The following DOCK1 variants were observed in gnomAD, a reference collection of about 807,000 sequenced individuals.
DOCK1 encodes the protein dedicator of cytokinesis 1, also known as dedicator of cytokinesis protein 1.
Under a neutral mutation model 262.7 loss-of-function variants are expected in DOCK1, and 138 were observed. The observed-to-expected ratio is 0.53, with a 90% CI of 0.46 to 0.61. The LOEUF is 0.61. Among genes scored for constraint, DOCK1 ranks in the 20% least tolerant of loss-of-function variants. The probability of loss-of-function intolerance (pLI) is 0.00; values close to 1 mark genes in which losing one functional copy is unlikely to be tolerated. For missense variants in DOCK1, 1,908 were observed against 2,370.7 expected, an observed-to-expected ratio of 0.80 and a Z score of 4.05; for synonymous variants, 866 against 867.4, an observed-to-expected ratio of 1.00 and a Z score of 0.03.
chr10:127,307,580 C>T (rs2061921417), intron 29 of DOCK1, among the ~76,000 whole-genome samples: 2 of 152,188 alleles, frequency 1.3e-5, no homozygotes, highest in African/African-American at 4.8e-5. Flanking sequence ...CCGGGCCTGG[C>T]CTGGGGCAGA....
intron 12 of DOCK1, among the ~76,000 whole-genome samples, chr10:127,017,988 C>A (rs1262755977): frequency 6.6e-6 from 1 of 152,226 alleles, no homozygotes; most frequent in African/African-American, 2.4e-5. Context: ...CGCACACACG[C>A]CCTTACACAT....
At chr10:127,433,568 C>G in intron 48 of DOCK1, 140 bp downstream of exon 48, 1 of 1,206,440 alleles carries the variant, frequency 8.3e-7, no homozygotes. Flanking sequence ...CTGAGACCCT[C>G]CGAGACTTTC....
At chr10:126,949,075 A>G (rs1304158611) in intron 1 of DOCK1, among the ~76,000 whole-genome samples, 1 of 151,916 alleles carries the variant, frequency 6.6e-6, no homozygotes, top group Non-Finnish European at 1.5e-5. Context: ...CCTTTCTGGG[A>G]GTGGTGCACG....
At chr10:127,075,652 G>A (rs1328075726) in intron 23 of DOCK1, among the ~76,000 whole-genome samples, 4 of 152,098 alleles carry the variant, frequency 2.6e-5, no homozygotes, top group Admixed American at 6.6e-5. Context: ...TTCACATGGC[G>A]GCAGGAGAGA....
At chr10:126,955,785 CA>C (rs1213073018) in intron 1 of DOCK1, among the ~76,000 whole-genome samples, 3 of 152,088 alleles carry the variant, frequency 2.0e-5, no homozygotes, top group Non-Finnish European at 2.9e-5. Flanking sequence ...TTCAGTGGCT[CA>C]CTCTGTGAAG....
At chr10:127,226,348 G>C (rs2058639162) in intron 27 of DOCK1, among the ~76,000 whole-genome samples, 1 of 152,104 alleles carries the variant, frequency 6.6e-6, no homozygotes, top group Admixed American at 6.5e-5. Context: ...AACAGGGTTG[G>C]GTAATGCTGT....
At chr10:127,416,278 G>C (rs1007108754) in intron 44 of DOCK1, among the ~76,000 whole-genome samples, 2 of 152,250 alleles carry the variant, frequency 1.3e-5, no homozygotes, top group Admixed American at 1.3e-4. Context: ...ATAGAAGGCT[G>C]TGGGAGTTAT....
At chr10:127,351,658 G>A (rs1590635107) in intron 31 of DOCK1, among the ~76,000 whole-genome samples, 1 of 152,090 alleles carries the variant, frequency 6.6e-6, no homozygotes, top group African/African-American at 2.4e-5. Flanking sequence ...CCACCAGCCC[G>A]GGGTTCTGCT....
At chr10:127,013,522 A>T (rs1344048646) in intron 12 of DOCK1, 1 of 152,130 alleles carries the variant, frequency 6.6e-6, no homozygotes, top group East Asian at 1.9e-4. Flanking sequence ...AACTTTTATT[A>T]GAGTCATTCA....
chr10:127,148,294 G>A (rs558223358), intron 27 of DOCK1, among the ~76,000 whole-genome samples: 20 of 152,296 alleles, frequency 1.3e-4, no homozygotes, highest in African/African-American at 3.6e-4. Context: ...CAGACACAGC[G>A]TGCTCCGGGA....
At chr10:127,234,336 A>G (rs992448249) in intron 27 of DOCK1, among the ~76,000 whole-genome samples, 4 of 152,188 alleles carry the variant, frequency 2.6e-5, no homozygotes, top group Non-Finnish European at 4.4e-5. Context: ...TGTAGGTTCA[A>G]TTGCAAAATG....
chr10:127,271,843 C>T (rs768255810), intron 29 of DOCK1, among the ~76,000 whole-genome samples: 4 of 152,238 alleles, frequency 2.6e-5, no homozygotes, highest in Non-Finnish European at 5.9e-5. Flanking sequence ...GGCAGTTACT[C>T]TTTTTATATT....
intron 22 of DOCK1, among the ~76,000 whole-genome samples, chr10:127,059,861 A>C (rs2135807207): frequency 6.6e-6 from 1 of 152,270 alleles, no homozygotes; most frequent in African/African-American, 2.4e-5. Flanking sequence ...TTTTGTTTGA[A>C]GTCAAGACTG....
chr10:126,922,696 T>G (rs1438692399), intron 1 of DOCK1, among the ~76,000 whole-genome samples: 4 of 152,304 alleles, frequency 2.6e-5, no homozygotes, highest in Non-Finnish European at 4.4e-5. Flanking sequence ...ATGAAAATAC[T>G]TAAGAACTAG....
intron 22 of DOCK1, among the ~76,000 whole-genome samples, chr10:127,053,876 C>G (rs527633681): frequency 1.3e-5 from 2 of 152,222 alleles, no homozygotes; most frequent in African/African-American, 4.8e-5. Context: ...ACTCCCTCTG[C>G]TTGTTTTTTT....
At chr10:126,992,760 A>ACACACG (rs1479341776) in intron 6 of DOCK1, among the ~76,000 whole-genome samples, 2,931 of 146,110 alleles carry the variant, frequency 0.02, 69 homozygotes, top group African/African-American at 0.043. Context: ...ACACACACAC[A>ACACACG]CACAGACAGA....
chr10:127,315,586 C>G (rs55972510), intron 29 of DOCK1, among the ~76,000 whole-genome samples: 3,985 of 152,270 alleles, frequency 0.026, 164 homozygotes, highest in African/African-American at 0.091. Context: ...GTTTAAGCCC[C>G]ACTACCTGTG....
rs138629618 is a variant in DOCK1 at position 127,201,318 on chromosome 10, G to A, written c.2848-46690G>A. The stretch of plus-strand genomic sequence containing the variant: ...AGCCCCTTGCCCGTGGCTCTTGCAC[G>A]GTCCTGGCAGCCGAGCCGTGTTTCC... On this transcript the variant is annotated intron_variant, in intron 27 of 51. Transcript: ENST00000623213. Among the ~76,000 whole-genome samples the A allele has an allele frequency of 1.0e-3, 154 of 152,292 alleles. 6 individuals are homozygous for A. In the East Asian group the frequency reaches 0.027, roughly 26 times the overall value.
chr10:126,957,040 G>A (rs1398783499), intron 1 of DOCK1, among the ~76,000 whole-genome samples: 1 of 152,150 alleles, frequency 6.6e-6, no homozygotes, highest in Non-Finnish European at 1.5e-5. Flanking sequence ...TGCACCCGAC[G>A]GGGGAAAGCG....
Sources: allele counts gnomAD v4.1 joint callset (sites outside exome capture counted in the v4.1 genomes callset), GRCh38; gene constraint gnomAD v4.1.1; transcripts MANE v1.5; gene names NCBI Gene and HGNC (gene_info 2026-07-23, HGNC 2026-07-21).